The following PCDHA1 variants were observed in gnomAD, a reference collection of about 807,000 sequenced individuals.
PCDHA1 encodes protocadherin alpha 1.
Under a neutral mutation model 61.3 loss-of-function variants are expected in PCDHA1, and 42 were observed. That is an observed-to-expected ratio of 0.69 (90% CI 0.54 to 0.89). PCDHA1 has a LOEUF of 0.89. Among genes scored for constraint, PCDHA1 ranks in the 40% least tolerant of loss-of-function variants. The probability of loss-of-function intolerance (pLI) is 0.00; values close to 1 mark genes in which losing one functional copy is unlikely to be tolerated. For missense variants in PCDHA1, 1,256 were observed against 1,235.3 expected (o/e 1.02, Z -0.25); for synonymous variants, 610 against 553.8 (o/e 1.10, Z -1.43).
chr5:140,875,419 G>A (rs782346114), intron 1 of PCDHA1: 51 of 1,516,154 alleles, frequency 3.4e-5, no homozygotes, highest in Admixed American at 4.8e-5. Context: ...AATACCTCAG[G>A]CAAGCGATCC....
In PCDHA1 at chr5:140,884,542, G is replaced by T. The variant is rs1554181706; in HGVS notation, c.2395-94407G>T. 1.9e-6 allele frequency: 3 copies of T among 1,614,126 alleles called. No individual in the cohort carries two copies. In the Admixed American group the frequency reaches 5.0e-5, roughly 27 times the overall value. ...ACTCGCAGCAGAGGCGGCCGAGGGT[G>T]TGCTCTGGGGAGGGCCCGCATAAGA... On this transcript the variant is annotated intron_variant, in intron 1 of 3. Transcript: ENST00000504120.
chr5:140,843,669 T>C (rs1554140329), intron 1 of PCDHA1: 2 of 1,592,688 alleles, frequency 1.3e-6, no homozygotes, highest in Non-Finnish European at 1.7e-6. Flanking sequence ...CTGGGATCAG[T>C]TGATGTAGGC....
intron 1 of PCDHA1, among the ~76,000 whole-genome samples, chr5:140,799,640 A>G (rs1263629869): frequency 6.6e-6 from 1 of 152,088 alleles, no homozygotes; most frequent in Non-Finnish European, 1.5e-5. Context: ...TCAAAATATT[A>G]ATTTATTTAT....
At position 141,010,202 on chromosome 5, in the gene PCDHA1, GC is replaced by G. The variant is rs1308553255; in HGVS notation, c.*267del. 6.4e-7 allele frequency: 1 copy of G among 1,551,944 alleles called. No individual in the cohort carries two copies. The highest frequency in any genetic ancestry group is 8.7e-7 in the Non-Finnish European group (1 of 1,147,050). The stretch of plus-strand genomic sequence containing the variant: ...CAGACCCAAGTTTCCTTTCTCCTCC[GC>G]CGCAAAGGAGAGGCTTCCCAGCCCC... On this transcript the variant is annotated 3_prime_UTR_variant, in exon 4 of 4. Transcript: ENST00000504120.
intron 1 of PCDHA1, among the ~76,000 whole-genome samples, chr5:140,888,585 AC>A (rs1327529840): frequency 4.6e-5 from 7 of 152,358 alleles, no homozygotes; most frequent in African/African-American, 1.4e-4. Flanking sequence ...ATTTGTTAGT[AC>A]ACATTCAGAG....
In PCDHA1 at chr5:140,928,040, GC is replaced by G. The variant is rs782389793; in HGVS notation, c.2395-50906del. The G allele has an allele frequency of 2.1e-4, 337 of 1,614,060 alleles. 1 individual carries two copies. Among genetic ancestry groups the G allele is most frequent in the Non-Finnish European group, 2.6e-4 (309 of 1,180,038 alleles). ...GTCATTTGTGGCATGTCTAGTGCAG[GC>G]CCTTTTCAGCTGACGGCTTCCTTTG... is the stretch of plus-strand genomic sequence containing the variant. On this transcript the variant is annotated intron_variant, in intron 1 of 3. Coordinates refer to ENST00000504120, the MANE Select transcript of PCDHA1 (RefSeq NM_018900.4).
Position 140,996,899 on chromosome 5 carries a change from C to T in PCDHA1, c.2543-12728C>T, listed in dbSNP as rs529654978. Among the ~76,000 whole-genome samples, 7 of 152,226 alleles carry T rather than the reference C, an allele frequency of 4.6e-5. No individual in the cohort carries two copies. The South Asian group carries it at 1.4e-3, about 32-fold the overall frequency. ...TGTATTTTTAAATAAAATAGAATTA[C>T]ATTGTTGAAGTAAATATTAAAAAAT... is the stretch of plus-strand genomic sequence containing the variant. On this transcript the variant is annotated intron_variant, in intron 3 of 3. Transcript: ENST00000504120.
At position 140,830,439 on chromosome 5, in the gene PCDHA1, T is replaced by A. The variant is rs1771065522; in HGVS notation, c.2394+41755T>A. On this transcript the variant is annotated intron_variant, in intron 1 of 3. Coordinates refer to ENST00000504120, the MANE Select transcript of PCDHA1 (RefSeq NM_018900.4). ...AGCCTTTCACCTTGTCCTATTATGA[T>A]GGGTAAGGCGGAGAATCAGGATTTA... 1.9e-6 allele frequency: 3 copies of A among 1,611,160 alleles called. No individual in the cohort carries two copies. In the East Asian group the frequency reaches 6.7e-5, roughly 36 times the overall value.
At position 140,848,735 on chromosome 5, in the gene PCDHA1, G is replaced by A. The variant is rs141612292; in HGVS notation, c.2394+60051G>A. On this transcript the variant is annotated intron_variant, in intron 1 of 3. Transcript: ENST00000504120. ...GGGACCTTCTGGAGGTAAATCTGCA[G>A]AATGGCATTTTGTTTGTGAATTCTC... 5.7e-6 allele frequency: 9 copies of A among 1,592,880 alleles called. No homozygotes were observed. In the African/African-American group the frequency reaches 1.1e-4, roughly 19 times the overall value.
At chr5:140,797,369 T>C (rs1554120421) in intron 1 of PCDHA1, 1 of 1,606,110 alleles carries the variant, frequency 6.2e-7, no homozygotes, top group South Asian at 1.1e-5. Context: ...CTTTTACTTT[T>C]TCTTGCCAAT....
intron 1 of PCDHA1, chr5:140,807,589 A>G (rs1554124106): frequency 6.2e-7 from 1 of 1,614,038 alleles, no homozygotes; most frequent in Admixed American, 1.7e-5. Flanking sequence ...CGGTGTTCCC[A>G]GCAACACAAA....
intron 1 of PCDHA1, chr5:140,795,704 A>C: frequency 5.0e-6 from 8 of 1,614,172 alleles, no homozygotes; most frequent in Non-Finnish European, 6.8e-6. Context: ...CAATCAGTTT[A>C]CAAAGTAAAA....
intron 1 of PCDHA1, chr5:140,836,287 G>C: frequency 6.2e-7 from 1 of 1,613,786 alleles, no homozygotes; most frequent in Non-Finnish European, 8.5e-7. Context: ...AGCACGACAC[G>C]AGCCCTAGAT....
At chr5:140,928,817 G>A (rs868908592) in intron 1 of PCDHA1, 1 of 1,614,118 alleles carries the variant, frequency 6.2e-7, no homozygotes, top group Non-Finnish European at 8.5e-7. Flanking sequence ...CGGGACCATG[G>A]AGACCCACCA....
In PCDHA1 at chr5:140,846,477, T is replaced by C. The variant is rs1780501842; in HGVS notation, c.2394+57793T>C. ...GCAACCTCTGCCTCCCGGGTTCAAA[T>C]GATTCTCCTTCCTCAGCCTCCCAAG... is the stretch of plus-strand genomic sequence containing the variant. On this transcript the variant is annotated intron_variant, in intron 1 of 3. Coordinates refer to ENST00000504120, the MANE Select transcript of PCDHA1 (RefSeq NM_018900.4). Among the ~76,000 whole-genome samples the C allele has an allele frequency of 1.4e-5, 2 of 143,268 alleles. 1 individual carries two copies. Among genetic ancestry groups the C allele is most frequent in the Non-Finnish European group, 3.1e-5 (2 of 65,332 alleles). 94.0% of individuals were successfully genotyped at this position (143,268 alleles called of 152,430 possible).
At chr5:140,797,347 G>T in intron 1 of PCDHA1, 2 of 1,613,800 alleles carry the variant, frequency 1.2e-6, no homozygotes, top group East Asian at 4.5e-5. Context: ...AGAATACGTA[G>T]GAAAGGTGAG....
chr5:140,824,627 T>TTTTTTTTTTTTTTTTTTTTG (rs1554130003), intron 1 of PCDHA1: 1 of 134,070 alleles, frequency 7.5e-6, no homozygotes, highest in Admixed American at 7.3e-5. Context: ...TTTTTTTTTT[T>TTTTTTTTTTTTTTTTTTTTG]TTTTTATTTT....
chr5:140,801,218 A>G (rs1554121317), intron 1 of PCDHA1: 4 of 1,606,572 alleles, frequency 2.5e-6, no homozygotes, highest in East Asian at 4.5e-5. Context: ...CCTGGCGAGA[A>G]GATCCTGGAG....
chr5:140,809,572 G>T, intron 1 of PCDHA1: 1 of 1,597,278 alleles, frequency 6.3e-7, no homozygotes, highest in Non-Finnish European at 8.5e-7. Flanking sequence ...CCTTTGCAAA[G>T]GTTAGTGTAT....
Sources: allele counts gnomAD v4.1 joint callset (sites outside exome capture counted in the v4.1 genomes callset), GRCh38; gene constraint gnomAD v4.1.1; transcripts MANE v1.5; gene names NCBI Gene and HGNC (gene_info 2026-07-23, HGNC 2026-07-21).